Variants in ATE1 observed in about 807,000 individuals in gnomAD.
The protein encoded by ATE1 is arginyltransferase 1, also known as arginyl-tRNA--protein transferase 1.
A neutral mutation model predicts 70.5 loss-of-function variants in ATE1; 36 were observed. The observed-to-expected ratio is 0.51, with a 90% CI of 0.39 to 0.67. ATE1 has a LOEUF of 0.67. Ranked by LOEUF, ATE1 falls within the 30% of genes least tolerant of loss-of-function variation. The probability of loss-of-function intolerance (pLI) is 0.00; values close to 1 mark genes in which losing one functional copy is unlikely to be tolerated. For missense variants in ATE1, 593 were observed against 629.5 expected (o/e 0.94, Z 0.62); for synonymous variants, 232 against 219.3 (o/e 1.06, Z -0.51).
At chr10:121,884,105 CAAAAAAAAAAAAA>C (rs56040116) in intron 7 of ATE1, among the ~76,000 whole-genome samples, 23 of 43,416 alleles carry the variant, frequency 5.3e-4, no homozygotes, top group African/African-American at 8.0e-4. Context: ...GACCCAGACT[CAAAAAAAAAAAAA>C]AAAAAAAAAA....
intron 7 of ATE1, among the ~76,000 whole-genome samples, chr10:121,875,560 CT>C (rs1950026063): frequency 6.6e-6 from 1 of 152,106 alleles, no homozygotes; most frequent in African/African-American, 2.4e-5. Context: ...CCGCCTCGGC[CT>C]CCCAAACTGC....
intron 8 of ATE1, among the ~76,000 whole-genome samples, chr10:121,847,756 CAAAAA>C (rs34868723): frequency 1.6e-5 from 1 of 60,832 alleles, no homozygotes; most frequent in Non-Finnish European, 3.0e-5. Context: ...GACTCTGTCT[CAAAAA>C]AAAAAAAAAA....
chr10:121,908,860 T>G (rs934918866), intron 5 of ATE1, among the ~76,000 whole-genome samples: 1 of 152,174 alleles, frequency 6.6e-6, no homozygotes, highest in African/African-American at 2.4e-5. Flanking sequence ...CAACTATCAA[T>G]TTATAAGCGG....
At chr10:121,823,450 G>A (rs1159316261) in intron 10 of ATE1, among the ~76,000 whole-genome samples, 1 of 152,148 alleles carries the variant, frequency 6.6e-6, no homozygotes, top group Non-Finnish European at 1.5e-5. Context: ...GCATGAACTT[G>A]GTCTGGAAAA....
At chr10:121,748,238 A>T (rs1944443423) in intron 11 of ATE1, among the ~76,000 whole-genome samples, 1 of 152,222 alleles carries the variant, frequency 6.6e-6, no homozygotes, top group African/African-American at 2.4e-5. Context: ...GTGAGATCTG[A>T]TATGTCATTT....
In ATE1 at chr10:121,899,761, G is replaced by T. The variant is rs192714502; in HGVS notation, c.942+105C>A. The T allele has an allele frequency of 3.7e-4, 538 of 1,471,008 alleles. 3 individuals are homozygous for T. The African/African-American group carries it at 6.9e-3, about 19-fold the overall frequency. 91.1% of individuals were successfully genotyped at this position (1,471,008 alleles called of 1,614,324 possible). On this transcript the variant is annotated intron_variant, in intron 7 of 11. Coordinates refer to ENST00000224652, the MANE Select transcript of ATE1 (RefSeq NM_001001976.3). ...GGTCTTTGCAGATATGCTGCAAATT[G>T]AACACAAATAAAATGTAGCACAAAT...
At chr10:121,888,123 A>G (rs10788219) in intron 7 of ATE1, among the ~76,000 whole-genome samples, 20,068 of 152,236 alleles carry the variant, frequency 0.13, 1,522 homozygotes, top group East Asian at 0.19. Context: ...GGCTGGGCGC[A>G]GTGGCTCACG....
intron 7 of ATE1, among the ~76,000 whole-genome samples, chr10:121,884,696 A>G (rs1420932738): frequency 5.9e-5 from 9 of 152,276 alleles, no homozygotes; most frequent in Non-Finnish European, 1.0e-4. Context: ...ACCCCTTTGG[A>G]TCTCCCCAAA....
chr10:121,782,048 C>G (rs575532799), intron 11 of ATE1, among the ~76,000 whole-genome samples: 1 of 152,142 alleles, frequency 6.6e-6, no homozygotes, highest in East Asian at 1.9e-4. Context: ...GTATTAACAT[C>G]CACAAAAAAG....
chr10:121,911,184 C>A (rs1163230030), intron 4 of ATE1, 33 bp from the exon 5 acceptor site: 2 of 1,596,314 alleles, frequency 1.3e-6, no homozygotes, highest in Middle Eastern at 1.7e-4. Flanking sequence ...AATCCATCAG[C>A]TGGGTTATTT....
intron 3 of ATE1, among the ~76,000 whole-genome samples, chr10:121,919,647 G>C (rs769078289): frequency 3.3e-5 from 5 of 152,040 alleles, no homozygotes; most frequent in Non-Finnish European, 7.4e-5. Context: ...TGGGCATGGT[G>C]GCTCACGCCT....
At chr10:121,806,705 A>C (rs1158717977) in intron 10 of ATE1, among the ~76,000 whole-genome samples, 1 of 152,148 alleles carries the variant, frequency 6.6e-6, no homozygotes, top group Non-Finnish European at 1.5e-5. Flanking sequence ...TGATGTTTGA[A>C]ACCTACTTTA....
Position 121,899,866 on chromosome 10 carries a change from C to G in ATE1, c.942G>C (p.Gln314His). The part of the protein sequence containing the change: ...KNPPDTPTES[Q>H]FTRFLCSSPL... ...GGAAAATTACACTTGGCCTGCTGAC[C>G]TGGCTTTCGGTTGGCGTATCAGGTG... Residue 314 changes from glutamine to histidine, a missense_variant and splice_region_variant, in exon 7 of 12, where the codon CAG becomes CAC. This residue lies in a region of ATE1 where 467 missense variants were observed against 469.6 expected (regional missense o/e 0.99). Transcript: ENST00000224652. The G allele has an allele frequency of 6.2e-7, 1 of 1,611,732 alleles. No individual in the cohort carries two copies. Among genetic ancestry groups the G allele is most frequent in the Non-Finnish European group, 8.5e-7 (1 of 1,178,720 alleles).
At chr10:121,808,860 GT>G (rs1328091071) in intron 10 of ATE1, among the ~76,000 whole-genome samples, 1 of 152,126 alleles carries the variant, frequency 6.6e-6, no homozygotes, top group Non-Finnish European at 1.5e-5. Flanking sequence ...TTTCTTAAAG[GT>G]TATTCCCAAT....
intron 3 of ATE1, among the ~76,000 whole-genome samples, chr10:121,919,908 A>C (rs1951813041): frequency 6.8e-6 from 1 of 147,856 alleles, no homozygotes; most frequent in African/African-American, 2.5e-5. Flanking sequence ...GGTGGGGAGG[A>C]TATGCAAAAT....
chr10:121,769,687 A>G (rs1005572437), intron 11 of ATE1, among the ~76,000 whole-genome samples: 4 of 152,270 alleles, frequency 2.6e-5, no homozygotes, highest in Non-Finnish European at 5.9e-5. Flanking sequence ...AAATCCATTT[A>G]GAAAATGCAC....
chr10:121,857,556 A>G (rs1357671490), intron 8 of ATE1, among the ~76,000 whole-genome samples: 1 of 152,216 alleles, frequency 6.6e-6, no homozygotes, highest in Non-Finnish European at 1.5e-5. Flanking sequence ...GAGATTTCTC[A>G]AAGAACTAAA....
At chr10:121,837,885 G>T (rs1260319041) in intron 9 of ATE1, among the ~76,000 whole-genome samples, 2 of 151,982 alleles carry the variant, frequency 1.3e-5, no homozygotes, top group Non-Finnish European at 2.9e-5. Flanking sequence ...ACCCAGCCAG[G>T]GTACCAATCC....
chr10:121,863,346 C>G (rs1052252542), intron 8 of ATE1, among the ~76,000 whole-genome samples: 1 of 151,104 alleles, frequency 6.6e-6, no homozygotes, highest in African/African-American at 2.4e-5. Flanking sequence ...CTCCGCCTCC[C>G]GGGTTCAAGC....
Sources: allele counts gnomAD v4.1 joint callset (sites outside exome capture counted in the v4.1 genomes callset), GRCh38; gene constraint gnomAD v4.1.1; regional missense constraint gnomAD v4.1.1; transcripts MANE v1.5; gene names NCBI Gene and HGNC (gene_info 2026-07-23, HGNC 2026-07-21).